Variants in SNX18 observed in about 807,000 individuals in gnomAD.
SNX18 encodes sorting nexin 18, also known as sorting nexin-18.
SNX18 carries 35 observed loss-of-function variants against 48.7 expected under a neutral mutation model. That is an observed-to-expected ratio of 0.72 (90% CI 0.55 to 0.95). SNX18 has a LOEUF of 0.95. Among genes scored for constraint, SNX18 ranks in the 40% least tolerant of loss-of-function variants. The pLI, the probability that SNX18 is intolerant of heterozygous loss-of-function variation, is 0.00. For missense variants in SNX18, 824 were observed against 871.0 expected (o/e 0.95, Z 0.68); for synonymous variants, 492 against 384.7 (o/e 1.28, Z -3.26).
At chr5:54,539,576 T>C (rs1762426559) in intron 1 of SNX18, among the ~76,000 whole-genome samples, 2 of 152,100 alleles carry the variant, frequency 1.3e-5, no homozygotes, top group South Asian at 4.1e-4. Context: ...CCATGCAGAA[T>C]TGTGCTTCAT....
chr5:54,610,097 A>C, the SNX18 span, among the ~76,000 whole-genome samples: 1 of 152,148 alleles, frequency 6.6e-6, no homozygotes, highest in Non-Finnish European at 1.5e-5. Flanking sequence ...AGATGCCAGC[A>C]CCATGCTTCC....
the SNX18 span, among the ~76,000 whole-genome samples, chr5:54,610,159 AC>A: frequency 6.6e-6 from 1 of 152,210 alleles, no homozygotes; most frequent in African/African-American, 2.4e-5. Context: ...TTTATAAATT[AC>A]CCAGTCTCAG....
the SNX18 span, among the ~76,000 whole-genome samples, chr5:54,615,018 T>C: frequency 1.3e-5 from 2 of 152,112 alleles, no homozygotes; most frequent in Admixed American, 6.5e-5. Flanking sequence ...AACCAGTACA[T>C]GACTCTAGGA....
the SNX18 span, among the ~76,000 whole-genome samples, chr5:54,563,703 C>T: frequency 2.0e-5 from 3 of 152,272 alleles, no homozygotes; most frequent in African/African-American, 7.2e-5. Flanking sequence ...GTGACTCTGG[C>T]AGTCTGATCT....
chr5:54,635,716 G>A, the SNX18 span, among the ~76,000 whole-genome samples: 40 of 152,322 alleles, frequency 2.6e-4, 1 homozygote, highest in African/African-American at 9.1e-4. Flanking sequence ...TATGGGGAGA[G>A]TTGGCTGACT....
chr5:54,536,907 C>T (rs199637926), intron 1 of SNX18, among the ~76,000 whole-genome samples: 1 of 152,156 alleles, frequency 6.6e-6, no homozygotes, highest in Non-Finnish European at 1.5e-5. Flanking sequence ...TCCTGATTTT[C>T]TAATGATTGC....
the SNX18 span, among the ~76,000 whole-genome samples, chr5:54,603,743 A>G: frequency 6.6e-6 from 1 of 152,224 alleles, no homozygotes; most frequent in East Asian, 1.9e-4. Context: ...AACGTCCTCC[A>G]TTCTTACTAA....
At chr5:54,528,258 TG>T (rs139776777) in intron 1 of SNX18, among the ~76,000 whole-genome samples, 8,255 of 152,290 alleles carry the variant, frequency 0.054, 316 homozygotes, top group Middle Eastern at 0.1. Context: ...ACATTCACCT[TG>T]TTGCTTGACT....
chr5:54,558,060 A>G, the SNX18 span, among the ~76,000 whole-genome samples: 20,143 of 151,980 alleles, frequency 0.13, 1,463 homozygotes, highest in African/African-American at 0.17. Flanking sequence ...CCTCCCAACA[A>G]CTCTATGAGG....
At chr5:54,596,377 G>A in the SNX18 span, among the ~76,000 whole-genome samples, 2 of 152,312 alleles carry the variant, frequency 1.3e-5, no homozygotes, top group East Asian at 3.9e-4. Context: ...TCCTGATGGA[G>A]GAAAAGGGGC....
At chr5:54,542,554 C>T (rs1161696837) in intron 1 of SNX18, among the ~76,000 whole-genome samples, 1 of 152,234 alleles carries the variant, frequency 6.6e-6, no homozygotes, top group Non-Finnish European at 1.5e-5. Flanking sequence ...TAGGTGTTTA[C>T]TCTGGATGAC....
the SNX18 span, among the ~76,000 whole-genome samples, chr5:54,628,705 TC>T: frequency 1.3e-5 from 2 of 152,158 alleles, no homozygotes; most frequent in Non-Finnish European, 2.9e-5. Flanking sequence ...CACCCAATCT[TC>T]CTATCTCATC....
chr5:54,575,581 G>A, the SNX18 span, among the ~76,000 whole-genome samples: 2 of 151,888 alleles, frequency 1.3e-5, no homozygotes, highest in South Asian at 2.1e-4. Context: ...GGTCAGGCTG[G>A]TCTCAAACTC....
At chr5:54,641,155 G>A in the SNX18 span, among the ~76,000 whole-genome samples, 1 of 152,082 alleles carries the variant, frequency 6.6e-6, no homozygotes. Flanking sequence ...ACTCACCCAG[G>A]GGTTCGATAC....
the SNX18 span, among the ~76,000 whole-genome samples, chr5:54,638,173 T>C: frequency 2.6e-5 from 4 of 152,244 alleles, no homozygotes; most frequent in African/African-American, 9.6e-5. Context: ...ATAGATAGTA[T>C]GTTGACTTTA....
the SNX18 span, among the ~76,000 whole-genome samples, chr5:54,579,895 T>C: frequency 2.0e-5 from 3 of 152,214 alleles, no homozygotes; most frequent in African/African-American, 7.2e-5. Context: ...AGTTTCTAAA[T>C]ATAGGAGTTG....
chr5:54,610,149 T>G, the SNX18 span, among the ~76,000 whole-genome samples: 2 of 152,170 alleles, frequency 1.3e-5, no homozygotes, highest in Non-Finnish European at 2.9e-5. Context: ...ACCTCTTTTC[T>G]TTATAAATTA....
At chr5:54,553,911 C>T in the SNX18 span, among the ~76,000 whole-genome samples, 5 of 152,226 alleles carry the variant, frequency 3.3e-5, no homozygotes, top group African/African-American at 4.8e-5. Flanking sequence ...AGTCAGGGTG[C>T]TGCTACATGA....
chr5:54,525,944 G>T (rs901038316), intron 1 of SNX18, among the ~76,000 whole-genome samples: 1 of 152,120 alleles, frequency 6.6e-6, no homozygotes, highest in Non-Finnish European at 1.5e-5. Flanking sequence ...CAGCAATCAC[G>T]CATTGCAGGC....
Sources: allele counts gnomAD v4.1 joint callset (sites outside exome capture counted in the v4.1 genomes callset), GRCh38; gene constraint gnomAD v4.1.1; transcripts MANE v1.5; gene names NCBI Gene and HGNC (gene_info 2026-07-23, HGNC 2026-07-21).